ZNF704: variants seen among roughly 807,000 people sequenced by gnomAD.
ZNF704 encodes the protein glucocorticoid induced gene 1.
In ZNF704, 10 loss-of-function variants were observed where a neutral mutation model predicts 44.7. That is an observed-to-expected ratio of 0.22 (90% CI 0.14 to 0.38). The LOEUF (loss-of-function observed/expected upper bound fraction) is 0.38. Among genes scored for constraint, ZNF704 ranks in the 10% least tolerant of loss-of-function variants. The pLI is 1.00. For synonymous variants in ZNF704, 211 were observed against 207.6 expected, an observed-to-expected ratio of 1.02 and a Z score of -0.14; for missense variants, 390 against 545.5, an observed-to-expected ratio of 0.71 and a Z score of 2.84.
chr8:80,772,713 T>A (rs1807341621), intron 2 of ZNF704, among the ~76,000 whole-genome samples: 2 of 152,146 alleles, frequency 1.3e-5, no homozygotes, highest in South Asian at 4.1e-4. Flanking sequence ...CTCTCAGGGA[T>A]CTCTGTTTCA....
At chr8:80,869,675 C>T (rs1194632987) in intron 1 of ZNF704, among the ~76,000 whole-genome samples, 1 of 152,190 alleles carries the variant, frequency 6.6e-6, no homozygotes, top group Middle Eastern at 3.2e-3. Context: ...TCCTCACCAC[C>T]TGGTGTTTAT....
At chr8:80,775,660 T>A (rs1213660208) in intron 2 of ZNF704, among the ~76,000 whole-genome samples, 2 of 152,214 alleles carry the variant, frequency 1.3e-5, no homozygotes, top group African/African-American at 4.8e-5. Flanking sequence ...TTTAGTTTAC[T>A]TCTTAATTTA....
intron 2 of ZNF704, among the ~76,000 whole-genome samples, chr8:80,703,441 C>A (rs932702846): frequency 6.6e-6 from 1 of 152,060 alleles, no homozygotes; most frequent in African/African-American, 2.4e-5. Flanking sequence ...TCTTTTTATT[C>A]CCAACTTCTA....
At chr8:80,735,375 C>T (rs189123898) in intron 2 of ZNF704, among the ~76,000 whole-genome samples, 1 of 152,328 alleles carries the variant, frequency 6.6e-6, no homozygotes, top group East Asian at 1.9e-4. Flanking sequence ...GCTTATCGTT[C>T]TTTGAACTTG....
At chr8:80,710,358 A>G (rs1205272019) in intron 2 of ZNF704, among the ~76,000 whole-genome samples, 1 of 152,172 alleles carries the variant, frequency 6.6e-6, no homozygotes, top group Non-Finnish European at 1.5e-5. Flanking sequence ...TCTTAAGTCT[A>G]TGAGGTCAAT....
intron 2 of ZNF704, among the ~76,000 whole-genome samples, chr8:80,740,078 G>A (rs1216763127): frequency 6.6e-6 from 1 of 152,150 alleles, no homozygotes; most frequent in Non-Finnish European, 1.5e-5. Flanking sequence ...CCAGACAACT[G>A]TCCTCCAGAT....
Position 80,858,459 on chromosome 8 carries a change from C to T in ZNF704, c.-22+16112G>A, listed in dbSNP as rs148590181. Among the ~76,000 whole-genome samples, 497 of 152,234 alleles carry T rather than the reference C, an allele frequency of 3.3e-3. 2 individuals are homozygous for T. Among genetic ancestry groups the T allele is most frequent in the African/African-American group, 0.011 (467 of 41,534 alleles). ...AGAAGAATATTGATGGAGCTGGGCA[C>T]GGTGGCTCATGCCTGTAATCCCAGC... On this transcript the variant is annotated intron_variant, in intron 1 of 8. Coordinates refer to ENST00000327835, the MANE Select transcript of ZNF704 (RefSeq NM_001033723.3).
At chr8:80,684,844 A>G (rs1818509122) in intron 4 of ZNF704, among the ~76,000 whole-genome samples, 1 of 152,180 alleles carries the variant, frequency 6.6e-6, no homozygotes, top group Admixed American at 6.5e-5. Context: ...ATATTGGTTC[A>G]CCTAATAAAT....
At chr8:80,860,513 G>A (rs1809041933) in intron 1 of ZNF704, among the ~76,000 whole-genome samples, 1 of 152,258 alleles carries the variant, frequency 6.6e-6, no homozygotes, top group South Asian at 2.1e-4. Context: ...TTAGGGTATT[G>A]TTTACCAACA....
At chr8:80,853,446 A>T (rs1808904519) in intron 1 of ZNF704, among the ~76,000 whole-genome samples, 1 of 152,212 alleles carries the variant, frequency 6.6e-6, no homozygotes, top group South Asian at 2.1e-4. Flanking sequence ...AGGACTTTAA[A>T]ATGTTCTACA....
rs1214768803 is a variant in ZNF704, at chr8:80,636,165, T to C, written c.*5201A>G. Reference sequence around the variant, plus strand: ...AGAAGCCTAATCAGTGTATTTCTTGTTTTATTTGGAAAATTAAGTTATAAT... The same window carrying C: ...AGAAGCCTAATCAGTGTATTTCTTGCTTTATTTGGAAAATTAAGTTATAAT... On this transcript the variant is annotated 3_prime_UTR_variant, in exon 9 of 9. Coordinates refer to ENST00000327835, the MANE Select transcript of ZNF704 (RefSeq NM_001033723.3). 1 of 152,218 alleles carries C rather than the reference T, an allele frequency of 6.6e-6. No homozygotes were observed. Among genetic ancestry groups the C allele is most frequent in the Non-Finnish European group, 1.5e-5 (1 of 68,046 alleles). The allele number at this position is 152,218 out of a possible 1,614,324, so 9.4% of individuals were successfully genotyped here.
chr8:80,666,570 C>T (rs1397808661), intron 5 of ZNF704, among the ~76,000 whole-genome samples: 6 of 150,738 alleles, frequency 4.0e-5, no homozygotes, highest in African/African-American at 1.5e-4. Flanking sequence ...AACTAGTTTA[C>T]AGTCCCACCA....
chr8:80,873,854 C>T (rs1288550463), intron 1 of ZNF704, among the ~76,000 whole-genome samples: 3 of 146,266 alleles, frequency 2.1e-5, no homozygotes, highest in Non-Finnish European at 1.5e-5. Context: ...CCCGGCGCTG[C>T]GCGGCGGCGG....
intron 6 of ZNF704, among the ~76,000 whole-genome samples, chr8:80,663,413 T>C (rs1818132675): frequency 6.6e-6 from 1 of 151,818 alleles, no homozygotes; most frequent in African/African-American, 2.4e-5. Flanking sequence ...AAGGGAGTTT[T>C]ACCCATGTCC....
At chr8:80,782,724 T>A (rs1323730239) in intron 2 of ZNF704, among the ~76,000 whole-genome samples, 2 of 152,146 alleles carry the variant, frequency 1.3e-5, no homozygotes, top group Non-Finnish European at 2.9e-5. Context: ...GATCTTGGGT[T>A]GTCAGCAGTG....
At chr8:80,811,256 T>C (rs1467732202) in intron 2 of ZNF704, among the ~76,000 whole-genome samples, 3 of 152,202 alleles carry the variant, frequency 2.0e-5, no homozygotes, top group Non-Finnish European at 4.4e-5. Context: ...ACTTTTTATA[T>C]TGACATATGT....
chr8:80,639,159 G>C lies in ZNF704; in HGVS notation c.*2207C>G, dbSNP rs1284877381. 6.6e-6 allele frequency: 1 copy of C among 152,236 alleles called. No homozygotes were observed. Among genetic ancestry groups the C allele is most frequent in the African/African-American group, 2.4e-5 (1 of 41,454 alleles). The allele number at this position is 152,236 out of a possible 1,614,324, so 9.4% of individuals were successfully genotyped here. A position where few individuals can be genotyped will look rare whatever the true frequency, so the allele number is the denominator to read the frequency against. The stretch of plus-strand genomic sequence containing the variant: ...CTTTTTCTATTAGTAACAGTCCAAC[G>C]ATCAAGGGCCAGGGAGCTTTGCTGA... On this transcript the variant is annotated 3_prime_UTR_variant, in exon 9 of 9. Transcript: ENST00000327835.
At chr8:80,824,104 A>T (rs965001843) in intron 1 of ZNF704, among the ~76,000 whole-genome samples, 5 of 152,212 alleles carry the variant, frequency 3.3e-5, no homozygotes, top group African/African-American at 1.2e-4. Flanking sequence ...AAGGCTTCAG[A>T]TGATTGGTAG....
intron 2 of ZNF704, among the ~76,000 whole-genome samples, chr8:80,713,256 A>C (rs1423152515): frequency 2.6e-5 from 4 of 152,142 alleles, no homozygotes. Flanking sequence ...TCTAGTAATG[A>C]TGTTGGATAT....
Sources: gnomAD v4.1 joint callset for allele counts (sites outside exome capture counted in the v4.1 genomes callset) on GRCh38, gnomAD v4.1.1 for gene constraint, MANE v1.5 for transcripts, NCBI Gene and HGNC (gene_info 2026-07-23, HGNC 2026-07-21) for gene names.